Variants in PYGB observed in about 807,000 individuals in gnomAD.
The protein encoded by PYGB is glycogen phosphorylase B.
A neutral mutation model predicts 94.3 loss-of-function variants in PYGB; 82 were observed. That is an observed-to-expected ratio of 0.87 (90% CI 0.73 to 1.04). PYGB has a LOEUF of 1.04. PYGB is among the 50% of genes least tolerant of loss of function. The pLI is 0.00. For missense variants in PYGB, 1,132 were observed against 1,158.2 expected (o/e 0.98, Z 0.33); for synonymous variants, 488 against 479.1 (o/e 1.02, Z -0.24).
intron 4 of PYGB, among the ~76,000 whole-genome samples, chr20:25,272,617 G>A (rs114554700): frequency 0.014 from 2,200 of 152,320 alleles, 50 homozygotes; most frequent in African/African-American, 0.048. Flanking sequence ...ATAATAAAAT[G>A]TTGGTAAAGA....
rs2088551759 is a variant in PYGB at position 25,296,659 on chromosome 20, G to A, written c.*137G>A. The A allele has an allele frequency of 1.7e-6, 2 of 1,191,180 alleles. No homozygotes were observed. The highest frequency in any genetic ancestry group is 2.3e-6 in the Non-Finnish European group (2 of 871,008). The allele number at this position is 1,191,180 out of a possible 1,614,324, so 73.8% of individuals were successfully genotyped here. On this transcript the variant is annotated 3_prime_UTR_variant, in exon 20 of 20. Coordinates refer to ENST00000216962, the MANE Select transcript of PYGB (RefSeq NM_002862.4). The stretch of plus-strand genomic sequence containing the variant: ...CCATGTTTCCAGGAGGGGCCATGGG[G>A]GTCAGGGTGGTTTTGAGAGAGCAGG...
At chr20:25,287,210 CT>C (rs2088426030) in intron 14 of PYGB, among the ~76,000 whole-genome samples, 1 of 152,250 alleles carries the variant, frequency 6.6e-6, no homozygotes, top group Non-Finnish European at 1.5e-5. Flanking sequence ...CTGTGAAGAA[CT>C]TTGGGGGCCC....
intron 14 of PYGB, 137 bp downstream of exon 14, chr20:25,284,388 C>T (rs377723271): frequency 1.7e-5 from 21 of 1,212,200 alleles, no homozygotes; most frequent in South Asian, 1.1e-4. Context: ...TGATGTGGCA[C>T]GTTTATTTTA....
At chr20:25,268,960 A>G (rs2088242603) in intron 2 of PYGB, among the ~76,000 whole-genome samples, 169 bp from the exon 3 acceptor site, 1 of 152,246 alleles carries the variant, frequency 6.6e-6, no homozygotes. Flanking sequence ...GGAAACTTTC[A>G]TTTCCATGCA....
At chr20:25,289,876 C>T (rs368982352) in intron 15 of PYGB, 127 of 533,384 alleles carry the variant, frequency 2.4e-4, no homozygotes, top group Non-Finnish European at 2.6e-4. Flanking sequence ...TACCACCATC[C>T]GTCACACCTA....
chr20:25,291,870 CG>C (rs1305043063), intron 16 of PYGB, among the ~76,000 whole-genome samples: 1 of 152,152 alleles, frequency 6.6e-6, no homozygotes, highest in Non-Finnish European at 1.5e-5. Context: ...GCACTCACAG[CG>C]TGTCTGGGAG....
chr20:25,264,838 A>G (rs1356941407), intron 2 of PYGB, among the ~76,000 whole-genome samples: 1 of 152,214 alleles, frequency 6.6e-6, no homozygotes, highest in Admixed American at 6.5e-5. Flanking sequence ...TATCTTGAAA[A>G]TGGTCCTACT....
intron 9 of PYGB, 120 bp from the exon 10 acceptor site, chr20:25,280,146 G>T (rs970354757): frequency 4.1e-6 from 5 of 1,233,886 alleles, no homozygotes; most frequent in Non-Finnish European, 5.7e-6. Flanking sequence ...AGGGGACGGT[G>T]GCCCTTCCTG....
chr20:25,269,339 A>C, intron 3 of PYGB, 132 bp downstream of exon 3: 1 of 642,066 alleles, frequency 1.6e-6, no homozygotes, highest in Non-Finnish European at 2.7e-6. Flanking sequence ...TGTGTTCTTC[A>C]GATTGAAATC....
chr20:25,255,829 G>A (rs959956311), intron 1 of PYGB, among the ~76,000 whole-genome samples: 1 of 151,994 alleles, frequency 6.6e-6, no homozygotes, highest in Admixed American at 6.6e-5. Flanking sequence ...CGCCTCCCGG[G>A]TTCAGGCGAT....
intron 8 of PYGB, 70 bp from the exon 9 acceptor site, chr20:25,278,987 C>T (rs776043532): frequency 8.9e-6 from 13 of 1,458,292 alleles, no homozygotes; most frequent in Middle Eastern, 1.7e-4. Context: ...TGGGGAGCTT[C>T]GTATGCCAAC....
At chr20:25,287,373 G>A (rs2088427324) in intron 14 of PYGB, among the ~76,000 whole-genome samples, 1 of 152,230 alleles carries the variant, frequency 6.6e-6, no homozygotes, top group Non-Finnish European at 1.5e-5. Context: ...AGGCCAGTGT[G>A]GTGGCTCACC....
intron 3 of PYGB, among the ~76,000 whole-genome samples, chr20:25,269,930 A>G (rs928760228): frequency 1.3e-5 from 2 of 151,866 alleles, no homozygotes; most frequent in East Asian, 1.9e-4. Flanking sequence ...ATCCTTCTCC[A>G]TGGCCAGATA....
chr20:25,285,555 G>C (rs143844663), intron 14 of PYGB: 1 of 151,958 alleles, frequency 6.6e-6, no homozygotes, highest in Non-Finnish European at 1.5e-5. Flanking sequence ...TGGTTCATTC[G>C]TTTTGAACGA....
At chr20:25,295,061 G>C in intron 18 of PYGB, 3 of 1,609,200 alleles carry the variant, frequency 1.9e-6, no homozygotes, top group South Asian at 1.1e-5. Context: ...TTAAAATTGT[G>C]AACTCTGCAT....
chr20:25,260,360 T>C (rs544314546), intron 2 of PYGB, among the ~76,000 whole-genome samples: 3 of 152,362 alleles, frequency 2.0e-5, no homozygotes, highest in African/African-American at 7.2e-5. Flanking sequence ...AGTTCTTACA[T>C]ATAGTAAAAA....
chr20:25,292,695 G>C (rs767024653), intron 17 of PYGB, 82 bp downstream of exon 17: 84 of 1,483,494 alleles, frequency 5.7e-5, no homozygotes, highest in South Asian at 2.6e-5. Context: ...GGCTGGACTG[G>C]GCTCTTGGGG....
chr20:25,259,435 A>G (rs367788587), intron 2 of PYGB, 97 bp downstream of exon 2: 1 of 917,100 alleles, frequency 1.1e-6, no homozygotes, highest in Non-Finnish European at 1.7e-6. Flanking sequence ...TGTTAAGACT[A>G]GCAGCTATCT....
At chr20:25,283,761 C>T (rs1197835646) in intron 13 of PYGB, among the ~76,000 whole-genome samples, 1 of 152,204 alleles carries the variant, frequency 6.6e-6, no homozygotes, top group Non-Finnish European at 1.5e-5. Flanking sequence ...CTCATAGAGG[C>T]CAGAACTAGT....
Sources: allele counts gnomAD v4.1 joint callset (sites outside exome capture counted in the v4.1 genomes callset), GRCh38; gene constraint gnomAD v4.1.1; transcripts MANE v1.5; gene names NCBI Gene and HGNC (gene_info 2026-07-23, HGNC 2026-07-21).